Variants in PTPRT observed in about 807,000 individuals in gnomAD.
The protein encoded by PTPRT is protein tyrosine phosphatase receptor type T, also known as receptor-type tyrosine-protein phosphatase T.
PTPRT carries 56 observed loss-of-function variants against 176.8 expected under a neutral mutation model. That is an observed-to-expected ratio of 0.32 (90% CI 0.26 to 0.40). The LOEUF (loss-of-function observed/expected upper bound fraction) is 0.40, where lower values mean the gene tolerates loss of function less well. PTPRT is among the 10% of genes least tolerant of loss of function. The pLI is 1.00. For missense variants in PTPRT, 1,540 were observed against 1,908.2 expected, an observed-to-expected ratio of 0.81 and a Z score of 3.60; for synonymous variants, 783 against 739.0, an observed-to-expected ratio of 1.06 and a Z score of -0.96.
At chr20:42,546,825 T>C (rs1205175847) in intron 7 of PTPRT, among the ~76,000 whole-genome samples, 1 of 152,136 alleles carries the variant, frequency 6.6e-6, no homozygotes, top group Non-Finnish European at 1.5e-5. Flanking sequence ...TCAGAACACA[T>C]ACAACATTTA....
Position 42,756,545 on chromosome 20 carries a change from T to G in PTPRT, c.776A>C (p.Gln259Pro). 6.2e-7 allele frequency: 1 copy of G among 1,613,208 alleles called. No homozygotes were observed. The highest frequency in any genetic ancestry group is 8.5e-7 in the Non-Finnish European group (1 of 1,179,338). Reference sequence around the variant, plus strand: ...ACAGCGGTACTTGCTGACGCTCCGCTGGGCAGTGTCTGCCACACTGACTGT... The same window carrying G: ...ACAGCGGTACTTGCTGACGCTCCGCGGGGCAGTGTCTGCCACACTGACTGT... The part of the protein sequence containing the change: ...SATVSVADTA[Q>P]RSVSKYRCVI... The change falls in exon 6 of 31, where the codon CAG becomes CCG. Residue 259 changes from glutamine (Q) to proline (P), a missense_variant. Physicochemically the swap from Gln to Pro is moderately conservative, Grantham distance 76. Transcript: ENST00000373187.
intron 7 of PTPRT, among the ~76,000 whole-genome samples, chr20:42,592,678 AC>A (rs1385005860): frequency 6.6e-5 from 10 of 152,204 alleles, no homozygotes; most frequent in African/African-American, 1.9e-4. Flanking sequence ...GAAGGTGCTG[AC>A]CGACTCCCTG....
At chr20:43,180,504 C>G (rs1454087043) in intron 1 of PTPRT, among the ~76,000 whole-genome samples, 1 of 151,752 alleles carries the variant, frequency 6.6e-6, no homozygotes, top group Non-Finnish European at 1.5e-5. Context: ...ACTCTTGTCT[C>G]CCGGGCAGGA....
chr20:42,856,185 G>T (rs1358773506), intron 2 of PTPRT, among the ~76,000 whole-genome samples: 6 of 152,106 alleles, frequency 3.9e-5, no homozygotes, highest in Non-Finnish European at 7.4e-5. Flanking sequence ...TAGAGACAAA[G>T]CCCCCAGAGG....
intron 7 of PTPRT, among the ~76,000 whole-genome samples, chr20:42,586,902 G>A (rs534780629): frequency 1.3e-5 from 2 of 152,252 alleles, no homozygotes; most frequent in South Asian, 4.2e-4. Flanking sequence ...CACCAAGCTG[G>A]TCATGCCACC....
chr20:42,467,996 G>A (rs576728676), intron 8 of PTPRT, among the ~76,000 whole-genome samples: 2 of 152,326 alleles, frequency 1.3e-5, no homozygotes, highest in East Asian at 3.9e-4. Flanking sequence ...CAAGGTGCAA[G>A]CGAACTGTGG....
chr20:42,635,011 G>C (rs1217149625), intron 7 of PTPRT, among the ~76,000 whole-genome samples: 1 of 151,976 alleles, frequency 6.6e-6, no homozygotes, highest in Non-Finnish European at 1.5e-5. Flanking sequence ...ACAATCTTTG[G>C]ATGACTGAAT....
chr20:42,843,481 A>G (rs1023397526), intron 2 of PTPRT, among the ~76,000 whole-genome samples: 7 of 152,228 alleles, frequency 4.6e-5, no homozygotes, highest in African/African-American at 1.7e-4. Flanking sequence ...CCAGAATTTG[A>G]GGTAATTCAG....
At chr20:42,472,616 G>A in intron 7 of PTPRT, 54 bp from the exon 8 acceptor site, 1 of 1,560,290 alleles carries the variant, frequency 6.4e-7, no homozygotes, top group African/African-American at 1.4e-5. Context: ...TCGGGAAGCT[G>A]GGGTACATGT....
chr20:42,753,366 T>C (rs1395430807), intron 6 of PTPRT, among the ~76,000 whole-genome samples: 1 of 152,214 alleles, frequency 6.6e-6, no homozygotes, highest in African/African-American at 2.4e-5. Flanking sequence ...AGGGACTTCT[T>C]TACATGCAAG....
intron 9 of PTPRT, among the ~76,000 whole-genome samples, chr20:42,363,287 T>C (rs2058459969): frequency 4.2e-5 from 1 of 23,678 alleles, no homozygotes; most frequent in Non-Finnish European, 7.4e-5. Context: ...TATATATATA[T>C]ATATATATAT....
chr20:42,879,148 T>C (rs530113170), intron 2 of PTPRT, among the ~76,000 whole-genome samples: 2 of 152,350 alleles, frequency 1.3e-5, no homozygotes, highest in East Asian at 3.9e-4. Context: ...GTAATTGACC[T>C]GGTTTTAGTT....
At chr20:42,679,321 T>G (rs749616685) in intron 6 of PTPRT, among the ~76,000 whole-genome samples, 1 of 151,456 alleles carries the variant, frequency 6.6e-6, no homozygotes, top group Non-Finnish European at 1.5e-5. Context: ...ACTGACAACC[T>G]AAGAAATCAG....
chr20:42,397,160 T>C (rs2058858838), intron 9 of PTPRT, among the ~76,000 whole-genome samples: 1 of 152,234 alleles, frequency 6.6e-6, no homozygotes, highest in Non-Finnish European at 1.5e-5. Flanking sequence ...GGAAAAATGC[T>C]AGACCTACGA....
intron 7 of PTPRT, among the ~76,000 whole-genome samples, chr20:42,580,307 C>T (rs2073347803): frequency 6.6e-6 from 1 of 152,010 alleles, no homozygotes; most frequent in Non-Finnish European, 1.5e-5. Context: ...GTTACTGTAG[C>T]CTTGTAGTAT....
At chr20:43,096,012 CCT>C (rs1296835643) in intron 1 of PTPRT, among the ~76,000 whole-genome samples, 1 of 97,700 alleles carries the variant, frequency 1.0e-5, no homozygotes. Context: ...TCTCTCTTCC[CCT>C]CTCTCCCCAC....
intron 1 of PTPRT, among the ~76,000 whole-genome samples, chr20:42,940,409 A>C (rs1299532267): frequency 2.6e-5 from 4 of 152,226 alleles, no homozygotes; most frequent in Non-Finnish European, 4.4e-5. Context: ...GGAAAAGAAG[A>C]CATGTATTTC....
At chr20:43,174,094 A>C (rs1240376890) in intron 1 of PTPRT, among the ~76,000 whole-genome samples, 1 of 152,230 alleles carries the variant, frequency 6.6e-6, no homozygotes, top group Admixed American at 6.5e-5. Flanking sequence ...AAGGCTTTCC[A>C]CCCAGTAATT....
At chr20:43,181,628 C>A (rs1410720657) in intron 1 of PTPRT, among the ~76,000 whole-genome samples, 1 of 152,116 alleles carries the variant, frequency 6.6e-6, no homozygotes, top group Non-Finnish European at 1.5e-5. Flanking sequence ...AAGAGATAAA[C>A]AATCATAAAT....
Sources: gnomAD v4.1 joint callset for allele counts (sites outside exome capture counted in the v4.1 genomes callset) on GRCh38, gnomAD v4.1.1 for gene constraint, MANE v1.5 for transcripts, NCBI Gene and HGNC (gene_info 2026-07-23, HGNC 2026-07-21) for gene names.